GREB1: variants seen among roughly 807,000 people sequenced by gnomAD.
The protein encoded by GREB1 is growth regulating estrogen receptor binding 1.
A neutral mutation model predicts 200.7 loss-of-function variants in GREB1; 106 were observed. That is an observed-to-expected ratio of 0.53 (90% CI 0.45 to 0.62). The LOEUF is 0.62. Ranked by LOEUF, GREB1 falls within the 20% of genes least tolerant of loss-of-function variation. The pLI, the probability that GREB1 is intolerant of heterozygous loss-of-function variation, is 0.00. For synonymous variants in GREB1, 1,132 were observed against 1,092.4 expected, an observed-to-expected ratio of 1.04 and a Z score of -0.72; for missense variants, 2,243 against 2,556.8, an observed-to-expected ratio of 0.88 and a Z score of 2.65.
chr2:11,607,635 T>TAC (rs1558625803), intron 17 of GREB1, among the ~76,000 whole-genome samples: 3 of 147,782 alleles, frequency 2.0e-5, no homozygotes, highest in South Asian at 2.1e-4. Context: ...TATATACATA[T>TAC]ATATATATTT....
In GREB1 at chr2:11,630,074, C is replaced by G; in HGVS notation, c.4576C>G (p.Leu1526Val). Residue 1526 changes from leucine to valine, a missense_variant, in exon 26 of 33, where the codon CTG (leucine) becomes GTG (valine). Coordinates refer to ENST00000381486, the MANE Select transcript of GREB1 (RefSeq NM_014668.4). ...TGTCTTCAGCCAACCTGGAGGCCAGCTGGAGAGCATGCGACTACCCCTCGT... is the reference window on the plus strand; with the variant it reads ...TGTCTTCAGCCAACCTGGAGGCCAGGTGGAGAGCATGCGACTACCCCTCGT... ...HFVFSQPGGQLESMRLPLVTD... is the reference protein window; with the variant it reads ...HFVFSQPGGQVESMRLPLVTD... 3 of 1,614,230 alleles carry G rather than the reference C, an allele frequency of 1.9e-6. No individual in the cohort carries two copies. Among genetic ancestry groups the G allele is most frequent in the Non-Finnish European group, 2.5e-6 (3 of 1,180,034 alleles).
intron 1 of GREB1, among the ~76,000 whole-genome samples, chr2:11,519,449 G>GTTTTTTTTTTTTTTTTTTT (rs70955804): frequency 2.6e-5 from 2 of 77,006 alleles, no homozygotes; most frequent in African/African-American, 5.4e-5. Flanking sequence ...ACTTGTTTTG[G>GTTTTTTTTTTTTTTTTTTT]TTTTTTTTTT....
At chr2:11,565,670 A>G (rs75333446) in intron 3 of GREB1, among the ~76,000 whole-genome samples, 3,714 of 152,276 alleles carry the variant, frequency 0.024, 167 homozygotes, top group African/African-American at 0.085. Flanking sequence ...ACAAGCTCCA[A>G]CACGCAAAAG....
chr2:11,605,743 T>C (rs2148272421), intron 17 of GREB1, among the ~76,000 whole-genome samples: 1 of 152,338 alleles, frequency 6.6e-6, no homozygotes, highest in Middle Eastern at 3.4e-3. Flanking sequence ...TATAATTATA[T>C]TGAAATTCAT....
chr2:11,631,590 G>A (rs73175273), intron 26 of GREB1, among the ~76,000 whole-genome samples: 10,074 of 152,226 alleles, frequency 0.066, 1,094 homozygotes, highest in African/African-American at 0.23. Flanking sequence ...TTGTCTGCGG[G>A]CTGGCTGGTG....
chr2:11,542,186 A>G (rs577432725), intron 1 of GREB1, among the ~76,000 whole-genome samples: 9 of 152,200 alleles, frequency 5.9e-5, no homozygotes, highest in African/African-American at 2.2e-4. Flanking sequence ...TTATGTAAGC[A>G]TTTACCTTTG....
At chr2:11,571,103 G>A (rs1257812855) in intron 4 of GREB1, among the ~76,000 whole-genome samples, 2 of 151,820 alleles carry the variant, frequency 1.3e-5, no homozygotes, top group African/African-American at 2.4e-5. Context: ...ATCAAGGTGG[G>A]GATTTAAAAT....
At chr2:11,612,752 T>C in intron 19 of GREB1, 142 bp downstream of exon 19, 1 of 590,434 alleles carries the variant, frequency 1.7e-6, no homozygotes, top group South Asian at 2.0e-5. Flanking sequence ...GGGGCCTTCA[T>C]CGTGGCTTTC....
At chr2:11,519,078 A>G (rs1197651532) in intron 1 of GREB1, among the ~76,000 whole-genome samples, 2 of 151,370 alleles carry the variant, frequency 1.3e-5, no homozygotes, top group African/African-American at 4.9e-5. Context: ...GCCTGGGTGA[A>G]AGAATGAGAC....
At position 11,578,323 on chromosome 2, in the gene GREB1, A is replaced by C. The variant is rs761800904; in HGVS notation, c.664A>C (p.Ser222Arg). Reference sequence around the variant, plus strand: ...GTTTAGAAGCCGGCAGATCCCCGCCAGTACTTGTTCCAGTTCCCTCTTCCC... The same window carrying C: ...GTTTAGAAGCCGGCAGATCCCCGCCCGTACTTGTTCCAGTTCCCTCTTCCC... ...SEFRSRQIPA[S>R]TCSSSLFPAL... The change falls in exon 6 of 33, where the codon AGT (serine) becomes CGT (arginine). Residue 222 changes from serine to arginine, a missense_variant. Coordinates refer to ENST00000381486, the MANE Select transcript of GREB1 (RefSeq NM_014668.4). The C allele has an allele frequency of 6.2e-7, 1 of 1,614,028 alleles. No homozygotes were observed. Among genetic ancestry groups the C allele is most frequent in the Non-Finnish European group, 8.5e-7 (1 of 1,179,930 alleles).
intron 1 of GREB1, among the ~76,000 whole-genome samples, chr2:11,507,147 G>A (rs563771648): frequency 5.9e-5 from 9 of 152,112 alleles, no homozygotes; most frequent in Non-Finnish European, 1.0e-4. Flanking sequence ...GGTGGCTCAC[G>A]CCTGTAATCC....
At chr2:11,624,420 C>G (rs764734165) in intron 23 of GREB1, among the ~76,000 whole-genome samples, 10 of 149,204 alleles carry the variant, frequency 6.7e-5, no homozygotes, top group Admixed American at 4.1e-4. Flanking sequence ...TCTCAGCTCA[C>G]TGCAACCTCC....
Position 11,640,967 on chromosome 2 carries a change from C to T in GREB1, c.*513C>T, listed in dbSNP as rs919553777. 1.9e-5 allele frequency: 3 copies of T among 153,856 alleles called. No homozygotes were observed. The highest frequency in any genetic ancestry group is 2.0e-4 in the South Asian group (1 of 4,902). 9.5% of individuals were successfully genotyped at this position (153,856 alleles called of 1,614,324 possible). A position where few individuals can be genotyped will look rare whatever the true frequency, so the allele number is the denominator to read the frequency against. ...GTTTTAATAACAATTATTTAATTGCCTATAAGTTTGCTGTTTCAGAGGCTA... is the reference window on the plus strand; with the variant it reads ...GTTTTAATAACAATTATTTAATTGCTTATAAGTTTGCTGTTTCAGAGGCTA... On this transcript the variant is annotated 3_prime_UTR_variant, in exon 33 of 33. Transcript: ENST00000381486. The surrounding 1 kb of genome is among the most constrained non-coding windows in gnomAD (Gnocchi z 4.6).
At position 11,582,134 on chromosome 2, in the gene GREB1, C is replaced by T. The variant is rs528271722; in HGVS notation, c.901+1302C>T. Among the ~76,000 whole-genome samples the T allele has an allele frequency of 2.6e-5, 4 of 152,302 alleles. No homozygotes were observed. In the East Asian group the frequency reaches 5.8e-4, roughly 22 times the overall value. On this transcript the variant is annotated intron_variant, in intron 7 of 32. Coordinates refer to ENST00000381486, the MANE Select transcript of GREB1 (RefSeq NM_014668.4). The stretch of plus-strand genomic sequence containing the variant: ...GGGGATGAGGATGCTGGGGATGCCA[C>T]GCTGCTGCGGCCTCCCTTCTGGGCT...
intron 1 of GREB1, among the ~76,000 whole-genome samples, chr2:11,536,829 C>A (rs1302917631): frequency 2.6e-5 from 4 of 152,156 alleles, no homozygotes; most frequent in African/African-American, 9.7e-5. Context: ...CTAATGAAGG[C>A]AAACTTTGCT....
chr2:11,576,418 C>A lies in GREB1; in HGVS notation c.520C>A (p.His174Asn), dbSNP rs1252720694. 2 of 1,613,736 alleles carry A rather than the reference C, an allele frequency of 1.2e-6. No homozygotes were observed. Among genetic ancestry groups the A allele is most frequent in the African/African-American group, 2.7e-5 (2 of 74,934 alleles). The change falls in exon 5 of 33, where the codon CAT becomes AAT. Residue 174 changes from histidine to asparagine, a missense_variant. Transcript: ENST00000381486. The part of the protein sequence containing the change: ...GFCYFTEFSN[H>N]INLKLTTQPK... Reference sequence around the variant, plus strand: ...CTGTTACTTCACGGAATTCTCCAATCATATAAATCTGAAACTGACCACTCA... The same window carrying A: ...CTGTTACTTCACGGAATTCTCCAATAATATAAATCTGAAACTGACCACTCA...
intron 1 of GREB1, among the ~76,000 whole-genome samples, chr2:11,499,285 T>C (rs1164675348): frequency 6.6e-6 from 1 of 152,218 alleles, no homozygotes; most frequent in Non-Finnish European, 1.5e-5. Flanking sequence ...GGTGCAGGGG[T>C]CAGCCTGGGA....
intron 23 of GREB1, among the ~76,000 whole-genome samples, chr2:11,624,435 C>T (rs1262010987): frequency 6.6e-6 from 1 of 150,494 alleles, no homozygotes; most frequent in African/African-American, 2.5e-5. Flanking sequence ...ACCTCCGCCT[C>T]CTGGGTTCAA....
intron 3 of GREB1, among the ~76,000 whole-genome samples, chr2:11,565,775 A>G (rs2147949625): frequency 1.3e-5 from 2 of 152,270 alleles, no homozygotes; most frequent in Middle Eastern, 6.8e-3. Flanking sequence ...CCTAGCGGAA[A>G]CTGACGCTAT....
Sources: gnomAD v4.1 joint callset for allele counts (sites outside exome capture counted in the v4.1 genomes callset) on GRCh38, gnomAD v4.1.1 for gene constraint, Gnocchi (gnomAD v3.1) non-coding constraint, MANE v1.5 for transcripts, NCBI Gene and HGNC (gene_info 2026-07-23, HGNC 2026-07-21) for gene names.